The following TMOD3 variants were observed in gnomAD, a reference collection of about 807,000 sequenced individuals.
TMOD3 encodes the protein tropomodulin 3.
In TMOD3, 20 loss-of-function variants were observed where a neutral mutation model predicts 39.2. The ratio of observed to expected loss-of-function variants is 0.51; its 90% CI spans 0.36 to 0.74. The LOEUF (loss-of-function observed/expected upper bound fraction) is 0.74, where lower values mean the gene tolerates loss of function less well. Among genes scored for constraint, TMOD3 ranks in the 30% least tolerant of loss-of-function variants. The pLI is 0.00. For synonymous variants in TMOD3, 143 were observed against 145.8 expected (o/e 0.98, Z 0.14); for missense variants, 381 against 412.8 (o/e 0.92, Z 0.67).
intron 3 of TMOD3, 75 bp from the exon 4 acceptor site, chr15:51,887,514 C>A: frequency 6.8e-7 from 1 of 1,475,216 alleles, no homozygotes; most frequent in Admixed American, 2.2e-5. Context: ...GTTGTACATG[C>A]TTTGGTTACA....
chr15:51,849,776 C>CA lies in TMOD3; in HGVS notation c.-74-13027dup, dbSNP rs766561068. ...TGAAACCTCATCTCTTCCAAAAATACAAAAAAAATTAGCCAGGCATGGTGG... is the reference window on the plus strand; with the variant it reads ...TGAAACCTCATCTCTTCCAAAAATACAAAAAAAAATTAGCCAGGCATGGTGG... On this transcript the variant is annotated intron_variant, in intron 1 of 9. Transcript: ENST00000308580. 3.3e-5 allele frequency among the ~76,000 whole-genome samples: 5 copies of CA among 151,580 alleles called. No homozygotes were observed. In the South Asian group the frequency reaches 8.3e-4, roughly 25 times the overall value.
chr15:51,888,404 T>C (rs1429021885), intron 4 of TMOD3, among the ~76,000 whole-genome samples: 1 of 151,934 alleles, frequency 6.6e-6, no homozygotes, highest in Non-Finnish European at 1.5e-5. Flanking sequence ...ACAGCAGGAG[T>C]CTTACGGGTT....
intron 3 of TMOD3, among the ~76,000 whole-genome samples, chr15:51,885,027 C>T (rs2056552893): frequency 1.3e-5 from 2 of 152,196 alleles, no homozygotes; most frequent in African/African-American, 4.8e-5. Flanking sequence ...TAATTAGATC[C>T]CCTGGTGACT....
intron 3 of TMOD3, among the ~76,000 whole-genome samples, chr15:51,870,602 A>G (rs148109248): frequency 1.3e-5 from 2 of 152,302 alleles, no homozygotes; most frequent in Non-Finnish European, 2.9e-5. Context: ...TCCAGCTTCT[A>G]TAGTAGAGGA....
chr15:51,862,008 G>C (rs1314988359), intron 1 of TMOD3, among the ~76,000 whole-genome samples: 4 of 152,182 alleles, frequency 2.6e-5, no homozygotes, highest in African/African-American at 9.6e-5. Flanking sequence ...AGAAATCCTT[G>C]GTTTCGCCTT....
At chr15:51,889,650 G>T (rs1166397223) in intron 5 of TMOD3, among the ~76,000 whole-genome samples, 2 of 152,070 alleles carry the variant, frequency 1.3e-5, no homozygotes, top group Non-Finnish European at 2.9e-5. Flanking sequence ...CAGGAGGATT[G>T]CTTGAGTCCA....
chr15:51,838,639 A>T (rs1381906689), intron 1 of TMOD3, among the ~76,000 whole-genome samples: 1 of 152,118 alleles, frequency 6.6e-6, no homozygotes, highest in Non-Finnish European at 1.5e-5. Flanking sequence ...AGTATGCATT[A>T]CTGTGTAATT....
At chr15:51,882,636 G>A (rs758991849) in intron 3 of TMOD3, among the ~76,000 whole-genome samples, 1 of 152,120 alleles carries the variant, frequency 6.6e-6, no homozygotes, top group South Asian at 2.1e-4. Context: ...AAGTATAAGG[G>A]TTTATTTCTG....
At chr15:51,852,075 G>A (rs1484129185) in intron 1 of TMOD3, among the ~76,000 whole-genome samples, 1 of 152,050 alleles carries the variant, frequency 6.6e-6, no homozygotes, top group Non-Finnish European at 1.5e-5. Flanking sequence ...ATTGGTTTTT[G>A]TCTGTATGCC....
At chr15:51,860,403 T>A in intron 1 of TMOD3, 1 of 546,128 alleles carries the variant, frequency 1.8e-6, no homozygotes, top group Non-Finnish European at 3.7e-6. Flanking sequence ...TTGCTTTTCC[T>A]TCCTCAGTTT....
chr15:51,838,420 A>T (rs918989665), intron 1 of TMOD3, among the ~76,000 whole-genome samples: 1 of 152,166 alleles, frequency 6.6e-6, no homozygotes, highest in Admixed American at 6.5e-5. Flanking sequence ...AACCCACTTA[A>T]GCTATCTTGC....
chr15:51,901,574 T>A (rs2056650605), intron 8 of TMOD3: 1 of 118,166 alleles, frequency 8.5e-6, no homozygotes. Context: ...AAAAGTTTAG[T>A]GTGTGTGTGT....
intron 3 of TMOD3, among the ~76,000 whole-genome samples, chr15:51,879,865 C>CAA (rs1360638648): frequency 6.6e-6 from 1 of 150,688 alleles, no homozygotes; most frequent in Non-Finnish European, 1.5e-5. Flanking sequence ...TTCACACACA[C>CAA]ACACACACAC....
At chr15:51,890,749 T>C (rs1347970775) in intron 5 of TMOD3, among the ~76,000 whole-genome samples, 1 of 152,212 alleles carries the variant, frequency 6.6e-6, no homozygotes, top group Non-Finnish European at 1.5e-5. Flanking sequence ...CAGACATGTG[T>C]ATAACATTCC....
chr15:51,857,002 G>A (rs953282276), intron 1 of TMOD3, among the ~76,000 whole-genome samples: 3 of 152,140 alleles, frequency 2.0e-5, no homozygotes, highest in Non-Finnish European at 4.4e-5. Context: ...ATAGAGGGGA[G>A]AGACTATAAG....
chr15:51,890,279 T>C (rs2623262), intron 5 of TMOD3, among the ~76,000 whole-genome samples: 70,372 of 149,780 alleles, frequency 0.47, 16,752 homozygotes, highest in Admixed American at 0.54. Context: ...AGCGCTTCTC[T>C]TGCCTTAGCC....
intron 2 of TMOD3, among the ~76,000 whole-genome samples, chr15:51,864,397 G>C (rs576946174): frequency 6.6e-6 from 1 of 152,180 alleles, no homozygotes; most frequent in South Asian, 2.1e-4. Flanking sequence ...TGCCTTGGAG[G>C]GATGTTTAAC....
intron 5 of TMOD3, among the ~76,000 whole-genome samples, chr15:51,893,420 G>A (rs577406851): frequency 7.9e-5 from 12 of 151,578 alleles, no homozygotes; most frequent in Non-Finnish European, 1.3e-4. Context: ...ATGCGTGTAT[G>A]AGAGAGAGAG....
chr15:51,903,427 C>T (rs1391558662), intron 9 of TMOD3, among the ~76,000 whole-genome samples: 1 of 152,216 alleles, frequency 6.6e-6, no homozygotes, highest in African/African-American at 2.4e-5. Context: ...TTGCCATTCT[C>T]TTAAGCTTCA....
Sources: allele counts gnomAD v4.1 joint callset (sites outside exome capture counted in the v4.1 genomes callset), GRCh38; gene constraint gnomAD v4.1.1; transcripts MANE v1.5; gene names NCBI Gene and HGNC (gene_info 2026-07-23, HGNC 2026-07-21).